The following MYH15 variants were observed in gnomAD, a reference collection of about 807,000 sequenced individuals.
MYH15 encodes myosin heavy chain 15.
A neutral mutation model predicts 240.5 loss-of-function variants in MYH15; 227 were observed. The observed-to-expected ratio is 0.94, with a 90% CI of 0.85 to 1.05. The LOEUF is 1.05. Ranked by LOEUF, MYH15 falls within the 50% of genes least tolerant of loss-of-function variation. The pLI is 0.00. For missense variants in MYH15, 2,217 were observed against 2,247.5 expected, an observed-to-expected ratio of 0.99 and a Z score of 0.27; for synonymous variants, 785 against 796.7, an observed-to-expected ratio of 0.99 and a Z score of 0.25.
At chr3:108,493,415 A>G (rs190790098) in intron 7 of MYH15, among the ~76,000 whole-genome samples, 23 of 152,330 alleles carry the variant, frequency 1.5e-4, no homozygotes, top group African/African-American at 5.1e-4. Flanking sequence ...TGTCAGGACT[A>G]GCAGTGGTTC....
At chr3:108,470,279 C>T in intron 13 of MYH15, 67 bp from the exon 14 acceptor site, 1 of 1,172,178 alleles carries the variant, frequency 8.5e-7, no homozygotes, top group Non-Finnish European at 1.2e-6. Context: ...TCAAGAATGT[C>T]CAGTAAAGAA....
At chr3:108,510,604 G>T (rs752927664), upstream of MYH15, 17 of 1,546,622 alleles carry the variant, frequency 1.1e-5, no homozygotes, top group Non-Finnish European at 1.4e-5. Context: ...AAAAAAAATT[G>T]ATACAGAGAA....
At chr3:108,389,244 A>G (rs372173455) in intron 37 of MYH15, among the ~76,000 whole-genome samples, 170 bp from the exon 38 acceptor site, 86 of 152,354 alleles carry the variant, frequency 5.6e-4, no homozygotes, top group African/African-American at 1.8e-3. Flanking sequence ...GCCAAAAGTA[A>G]GATCTTTTAT....
the MYH15 span, among the ~76,000 whole-genome samples, chr3:108,542,831 T>G: frequency 6.6e-6 from 1 of 151,900 alleles, no homozygotes; most frequent in Non-Finnish European, 1.5e-5. Flanking sequence ...TTGCTGAGAA[T>G]AATGGCTTCC....
At chr3:108,543,831 G>T in the MYH15 span, 1 of 152,260 alleles carries the variant, frequency 6.6e-6, no homozygotes, top group Non-Finnish European at 1.5e-5. Context: ...GCCACTTCTT[G>T]TGGAAGTGAG....
intron 35 of MYH15, among the ~76,000 whole-genome samples, chr3:108,396,113 T>C (rs1345645964): frequency 3.9e-5 from 6 of 152,194 alleles, no homozygotes; most frequent in Non-Finnish European, 8.8e-5. Context: ...CTCTACCTAA[T>C]TTTCTTCTTC....
At chr3:108,457,149 A>AT (rs2083029247) in intron 18 of MYH15, among the ~76,000 whole-genome samples, 1 of 152,202 alleles carries the variant, frequency 6.6e-6, no homozygotes, top group Non-Finnish European at 1.5e-5. Flanking sequence ...GATGTTTATA[A>AT]GCAAATATTC....
intron 30 of MYH15, among the ~76,000 whole-genome samples, chr3:108,413,763 T>C (rs922679043): frequency 1.3e-5 from 2 of 152,242 alleles, no homozygotes; most frequent in African/African-American, 2.4e-5. Context: ...CGACAGATCC[T>C]AACATTTTTT....
At chr3:108,398,958 A>C in intron 34 of MYH15, 117 bp downstream of exon 34, 1 of 1,458,556 alleles carries the variant, frequency 6.9e-7, no homozygotes, top group African/African-American at 1.4e-5. Context: ...TTCTCTCTGG[A>C]AAGATTAGAT....
At chr3:108,442,890 A>G (rs888253459) in intron 22 of MYH15, among the ~76,000 whole-genome samples, 1 of 151,822 alleles carries the variant, frequency 6.6e-6, no homozygotes, top group African/African-American at 2.4e-5. Context: ...CACAGTTACA[A>G]TCTGAACTCA....
chr3:108,416,771 C>T (rs2082636714), intron 29 of MYH15, 41 bp downstream of exon 29: 1 of 1,447,064 alleles, frequency 6.9e-7, no homozygotes, highest in Non-Finnish European at 9.5e-7. Context: ...AAAAAAAAAA[C>T]ACACAGTCAA....
At chr3:108,445,648 A>G (rs928126598) in intron 21 of MYH15, among the ~76,000 whole-genome samples, 1 of 152,198 alleles carries the variant, frequency 6.6e-6, no homozygotes, top group Admixed American at 6.5e-5. Context: ...AGGGCTTACA[A>G]TCCAAAGTTA....
At chr3:108,523,168 A>G (rs1232076451) in intron 1 of MYH15, among the ~76,000 whole-genome samples, 2 of 152,100 alleles carry the variant, frequency 1.3e-5, no homozygotes, top group African/African-American at 4.8e-5. Context: ...TTTACAGTAT[A>G]TTTAAGATTA....
upstream of MYH15, among the ~76,000 whole-genome samples, chr3:108,529,952 GATCCTT>G (rs1470701783): frequency 6.6e-6 from 1 of 152,152 alleles, no homozygotes; most frequent in African/African-American, 2.4e-5. Flanking sequence ...AACTGCAGAG[GATCCTT>G]ATCAAGTCAT....
chr3:108,498,659 A>G (rs929258736), intron 5 of MYH15, among the ~76,000 whole-genome samples: 1 of 152,244 alleles, frequency 6.6e-6, no homozygotes, highest in African/African-American at 2.4e-5. Flanking sequence ...TGTAAGCATC[A>G]TAGAATCAAG....
At position 108,440,097 on chromosome 3, in the gene MYH15, G is replaced by A. The variant is rs147966340; in HGVS notation, c.2899-184C>T. 5.5e-3 allele frequency among the ~76,000 whole-genome samples: 831 copies of A among 152,228 alleles called. 7 individuals carry two copies. Among genetic ancestry groups the A allele is most frequent in the African/African-American group, 0.015 (634 of 41,520 alleles). ...CATTTAGTTTTTCTCCCACAAAAATGATCTGTTATCTGTCATGGTGAGGAA... is the reference window on the plus strand; with the variant it reads ...CATTTAGTTTTTCTCCCACAAAAATAATCTGTTATCTGTCATGGTGAGGAA... On this transcript the variant is annotated intron_variant, in intron 23 of 40. Coordinates refer to ENST00000693548, the MANE Select transcript of MYH15 (RefSeq NM_014981.3).
At chr3:108,547,804 A>T in the MYH15 span, among the ~76,000 whole-genome samples, 9 of 152,212 alleles carry the variant, frequency 5.9e-5, no homozygotes, top group African/African-American at 2.2e-4. Context: ...CAAATTAATA[A>T]CTGATTCAAG....
rs1419541669 is a variant in MYH15, at chr3:108,414,393, A to C, written c.3984T>G (p.Ala1328=). ...CTCGTAGAAGGTCACAGTCACGCTG[A>C]GCCTTCTGCAGGGCATGGGCCAGGG... ...QSALAHALQK[A]QRDCDLLREQ... is the part of the protein sequence containing the mutation. Residue 1328 remains alanine (A), a synonymous_variant, in exon 30 of 41, where the codon GCT becomes GCG. Transcript: ENST00000693548. The C allele has an allele frequency of 1.1e-5, 18 of 1,614,018 alleles. No homozygotes were observed. Among genetic ancestry groups the C allele is most frequent in the Non-Finnish European group, 1.4e-5 (17 of 1,180,034 alleles).
At position 108,430,845 on chromosome 3, in the gene MYH15, AC is replaced by A; in HGVS notation, c.3298del (p.Val1100LeufsTer8). 2 of 1,611,446 alleles carry A rather than the reference AC, an allele frequency of 1.2e-6. No homozygotes were observed. Among genetic ancestry groups the A allele is most frequent in the Non-Finnish European group, 1.7e-6 (2 of 1,179,154 alleles). On this transcript the variant is annotated frameshift_variant, in exon 26 of 41. Transcript: ENST00000693548. LOFTEE classifies it high-confidence loss of function. ...KGLVAQLQKT[V>X]KELQTQIKDL... Reference sequence around the variant, plus strand: ...ATAATTGATTACCTGAAGCTCTTTAACCGTCTTCTGAAGCTGAGCTACCAGG... The same window carrying A: ...ATAATTGATTACCTGAAGCTCTTTAACGTCTTCTGAAGCTGAGCTACCAGG...
Sources: allele counts gnomAD v4.1 joint callset (sites outside exome capture counted in the v4.1 genomes callset), GRCh38; gene constraint gnomAD v4.1.1; transcripts MANE v1.5; gene names NCBI Gene and HGNC (gene_info 2026-07-23, HGNC 2026-07-21).